UNC5D: variants seen among roughly 807,000 people sequenced by gnomAD.
UNC5D encodes the protein unc-5 netrin receptor D, also known as netrin receptor UNC5D.
UNC5D carries 39 observed loss-of-function variants against 105.4 expected under a neutral mutation model. That is an observed-to-expected ratio of 0.37 (90% CI 0.29 to 0.48). The LOEUF is 0.48. Among genes scored for constraint, UNC5D ranks in the 20% least tolerant of loss-of-function variants. The pLI is 0.98. For synonymous variants in UNC5D, 452 were observed against 450.4 expected, an observed-to-expected ratio of 1.00 and a Z score of -0.04; for missense variants, 991 against 1,202.4, an observed-to-expected ratio of 0.82 and a Z score of 2.60.
chr8:35,434,756 G>A (rs1013332599), intron 1 of UNC5D, among the ~76,000 whole-genome samples: 5 of 152,042 alleles, frequency 3.3e-5, no homozygotes, highest in African/African-American at 7.2e-5. Context: ...AGTTAGGAGC[G>A]TGAAAACTTA....
rs146899003 is a variant in UNC5D at position 35,415,544 on chromosome 8, G to A, written c.104-133748G>A. Among the ~76,000 whole-genome samples, 102 of 151,966 alleles carry A rather than the reference G, an allele frequency of 6.7e-4. 3 individuals are homozygous for A. The East Asian group carries it at 0.013, about 20-fold the overall frequency. On this transcript the variant is annotated intron_variant, in intron 1 of 16. Coordinates refer to ENST00000404895, the MANE Select transcript of UNC5D (RefSeq NM_080872.4). ...CAACCACTCTTTGGTTTCTTGAATC[G>A]TCTCCCCCTGATTCCCTTTCATCAA...
chr8:35,371,199 C>T (rs1338558596), intron 1 of UNC5D, among the ~76,000 whole-genome samples: 1 of 151,976 alleles, frequency 6.6e-6, no homozygotes, highest in Admixed American at 6.6e-5. Context: ...CACACACACA[C>T]ACACAAAGTT....
At chr8:35,569,911 C>A (rs1419782043) in intron 3 of UNC5D, among the ~76,000 whole-genome samples, 2 of 147,328 alleles carry the variant, frequency 1.4e-5, no homozygotes, top group African/African-American at 4.9e-5. Context: ...TTCTTCACTT[C>A]TCTGAGGCCC....
At chr8:35,498,087 A>C (rs1811725260) in intron 1 of UNC5D, among the ~76,000 whole-genome samples, 3 of 71,266 alleles carry the variant, frequency 4.2e-5, no homozygotes, top group African/African-American at 2.7e-4. Flanking sequence ...AACAAAACAA[A>C]AAAAAAAAAA....
intron 4 of UNC5D, among the ~76,000 whole-genome samples, chr8:35,626,571 TG>T (rs1411418531): frequency 3.9e-5 from 6 of 152,328 alleles, no homozygotes; most frequent in East Asian, 1.9e-4. Flanking sequence ...TCAGCTTATT[TG>T]GGTTCAAAGC....
rs747132317 is a variant in UNC5D, at chr8:35,731,049, G to A, written c.1719G>A (p.Glu573=). 8.1e-6 allele frequency: 13 copies of A among 1,613,794 alleles called. No homozygotes were observed. In the East Asian group the frequency reaches 2.5e-4, roughly 30 times the overall value. The change falls in exon 11 of 17, where the codon GAG becomes GAA. Residue 573 remains glutamate, a synonymous_variant. Transcript: ENST00000404895. ...SLLIPHGAIP[E]ENSWEIYMSI... ...TCATACCACACGGTGCCATCCCAGA[G>A]GAGAATTCTTGGGAGATTTATATGT...
At chr8:35,723,306 C>T (rs1586531995) in intron 9 of UNC5D, among the ~76,000 whole-genome samples, 1 of 152,164 alleles carries the variant, frequency 6.6e-6, no homozygotes, top group Admixed American at 6.5e-5. Flanking sequence ...TGAGTACCTT[C>T]CCTCTTGCCA....
intron 8 of UNC5D, chr8:35,721,328 C>A (rs1219488681): frequency 1.5e-5 from 10 of 676,956 alleles, no homozygotes; most frequent in Non-Finnish European, 2.2e-5. Flanking sequence ...CAGGAATAAC[C>A]ACATCCAACG....
chr8:35,466,864 T>G (rs1223496813), intron 1 of UNC5D, among the ~76,000 whole-genome samples: 2 of 152,172 alleles, frequency 1.3e-5, no homozygotes, highest in Non-Finnish European at 2.9e-5. Flanking sequence ...AGGCCAATGG[T>G]GGATTGTGTT....
chr8:35,411,162 C>T (rs933744460), intron 1 of UNC5D, among the ~76,000 whole-genome samples: 5 of 151,964 alleles, frequency 3.3e-5, no homozygotes, highest in African/African-American at 9.7e-5. Context: ...CAGTGCTATT[C>T]TAGCGACGAC....
intron 7 of UNC5D, among the ~76,000 whole-genome samples, chr8:35,704,020 G>A (rs900414088): frequency 6.6e-6 from 1 of 152,142 alleles, no homozygotes; most frequent in Non-Finnish European, 1.5e-5. Context: ...CATCTGTTCA[G>A]TAAGGGAAAT....
intron 1 of UNC5D, among the ~76,000 whole-genome samples, chr8:35,451,190 T>A (rs1808130484): frequency 6.6e-6 from 1 of 152,014 alleles, no homozygotes; most frequent in South Asian, 2.1e-4. Flanking sequence ...ATTACAGGCA[T>A]GCACCACCAT....
At chr8:35,440,440 T>G (rs2128983246) in intron 1 of UNC5D, among the ~76,000 whole-genome samples, 1 of 152,018 alleles carries the variant, frequency 6.6e-6, no homozygotes, top group South Asian at 2.1e-4. Flanking sequence ...ATTTTAAGCT[T>G]TTTTGTTCTC....
intron 1 of UNC5D, among the ~76,000 whole-genome samples, chr8:35,541,169 C>T (rs1378741344): frequency 6.6e-6 from 1 of 152,126 alleles, no homozygotes; most frequent in Non-Finnish European, 1.5e-5. Flanking sequence ...CTCCAGGCTG[C>T]CACGTGGTCA....
chr8:35,318,099 G>A (rs1390810379), intron 1 of UNC5D, among the ~76,000 whole-genome samples: 1 of 152,022 alleles, frequency 6.6e-6, no homozygotes, highest in East Asian at 1.9e-4. Context: ...CTCTCAGGAG[G>A]CAACCTGATT....
intron 1 of UNC5D, among the ~76,000 whole-genome samples, chr8:35,396,411 C>T (rs1804104700): frequency 6.6e-6 from 1 of 152,140 alleles, no homozygotes; most frequent in Non-Finnish European, 1.5e-5. Flanking sequence ...CTCGTTCCCC[C>T]AGCAGCAAGC....
chr8:35,411,288 A>G (rs1428583604), intron 1 of UNC5D, among the ~76,000 whole-genome samples: 1 of 152,080 alleles, frequency 6.6e-6, no homozygotes, highest in Non-Finnish European at 1.5e-5. Context: ...GAGATTTGCA[A>G]ATTGAGTTGT....
intron 4 of UNC5D, among the ~76,000 whole-genome samples, chr8:35,640,055 A>G (rs1301332942): frequency 1.3e-5 from 2 of 152,052 alleles, no homozygotes; most frequent in Non-Finnish European, 2.9e-5. Flanking sequence ...GTACAAGCAC[A>G]TGGTCCATTT....
At chr8:35,515,530 C>CAA (rs1813047816) in intron 1 of UNC5D, among the ~76,000 whole-genome samples, 1 of 152,128 alleles carries the variant, frequency 6.6e-6, no homozygotes, top group South Asian at 2.1e-4. Flanking sequence ...ACTAAAAATA[C>CAA]AAAAATTAGC....
Sources: gnomAD v4.1 joint callset for allele counts (sites outside exome capture counted in the v4.1 genomes callset) on GRCh38, gnomAD v4.1.1 for gene constraint, MANE v1.5 for transcripts, NCBI Gene and HGNC (gene_info 2026-07-23, HGNC 2026-07-21) for gene names.